Variants in TAF3 observed in about 807,000 individuals in gnomAD.
The protein encoded by TAF3 is TATA-box binding protein associated factor 3, also known as transcription initiation factor TFIID subunit 3.
TAF3 carries 7 observed loss-of-function variants against 80.6 expected under a neutral mutation model. The observed-to-expected ratio is 0.09, with a 90% CI of 0.05 to 0.16. The LOEUF is 0.16. TAF3 is among the 10% of genes least tolerant of loss of function. The pLI is 1.00. For missense variants in TAF3, 921 were observed against 1,140.2 expected (o/e 0.81, Z 2.77); for synonymous variants, 444 against 446.1 (o/e 1.00, Z 0.06).
At chr10:7,890,175 A>C (rs1837445221) in intron 2 of TAF3, among the ~76,000 whole-genome samples, 2 of 152,298 alleles carry the variant, frequency 1.3e-5, no homozygotes, top group East Asian at 3.9e-4. Flanking sequence ...AGCCAGCTGA[A>C]ATTCACCATG....
intron 2 of TAF3, among the ~76,000 whole-genome samples, chr10:7,875,065 G>T (rs2131149193): frequency 6.6e-6 from 1 of 152,150 alleles, no homozygotes; most frequent in South Asian, 2.1e-4. Context: ...TTTAAGTGAA[G>T]CTTTCTTATC....
At chr10:7,883,382 G>A (rs376814273) in intron 2 of TAF3, among the ~76,000 whole-genome samples, 8 of 152,168 alleles carry the variant, frequency 5.3e-5, no homozygotes, top group Admixed American at 3.3e-4. Flanking sequence ...TACCGTAGAC[G>A]GTGGTGTGTT....
At chr10:7,962,996 C>T (rs1480802093) in intron 2 of TAF3, among the ~76,000 whole-genome samples, 2 of 152,152 alleles carry the variant, frequency 1.3e-5, no homozygotes, top group Non-Finnish European at 2.9e-5. Context: ...GATTAGGAAA[C>T]AGGCTCAGAG....
At chr10:7,828,979 G>A (rs935820770) in intron 2 of TAF3, among the ~76,000 whole-genome samples, 5 of 131,744 alleles carry the variant, frequency 3.8e-5, no homozygotes, top group African/African-American at 8.6e-5. Flanking sequence ...GCAGTCAGCC[G>A]AGATCGTGCC....
At chr10:7,868,752 A>G (rs1006093198) in intron 2 of TAF3, among the ~76,000 whole-genome samples, 4 of 152,242 alleles carry the variant, frequency 2.6e-5, no homozygotes, top group African/African-American at 9.6e-5. Context: ...TTTGGCACCT[A>G]GAAAGTACCA....
rs1564350796 is a variant in TAF3 at position 7,863,629 on chromosome 10, ATAT to A, written c.409+39070_409+39072del. Among the ~76,000 whole-genome samples, 13 of 90,906 alleles carry A rather than the reference ATAT, an allele frequency of 1.4e-4. 3 individuals carry two copies. The highest frequency in any genetic ancestry group is 3.4e-4 in the Admixed American group (3 of 8,866). 59.6% of individuals were successfully genotyped at this position (90,906 alleles called of 152,430 possible). Reference sequence around the variant, plus strand: ...TGTCTAAAAAAAAAAAAAAAAAAATATATATATATATATATATACACACACACA... The same window carrying A: ...TGTCTAAAAAAAAAAAAAAAAAAATAATATATATATATATACACACACACA... On this transcript the variant is annotated intron_variant, in intron 2 of 6. Coordinates refer to ENST00000344293, the MANE Select transcript of TAF3 (RefSeq NM_031923.4).
intron 2 of TAF3, among the ~76,000 whole-genome samples, chr10:7,920,306 G>C (rs966716741): frequency 5.9e-5 from 5 of 84,886 alleles, no homozygotes; most frequent in Non-Finnish European, 1.4e-4. Flanking sequence ...ATACGTGTGT[G>C]TGTGTGTGTG....
At chr10:7,957,790 G>GTGCTCTCT (rs1838150104) in intron 2 of TAF3, among the ~76,000 whole-genome samples, 1 of 111,324 alleles carries the variant, frequency 9.0e-6, no homozygotes, top group African/African-American at 3.6e-5. Context: ...GCTCTCTCTA[G>GTGCTCTCT]CGCGCTCTCT....
At chr10:7,940,122 T>C (rs1837963544) in intron 2 of TAF3, among the ~76,000 whole-genome samples, 1 of 152,130 alleles carries the variant, frequency 6.6e-6, no homozygotes, top group Non-Finnish European at 1.5e-5. Context: ...GAAGGAGCAG[T>C]GGTGTGAAGG....
At position 7,818,608 on chromosome 10, in the gene TAF3, G is replaced by T. The variant is rs566619643; in HGVS notation, c.-102G>T. 4.3e-4 allele frequency: 579 copies of T among 1,336,958 alleles called. No individual in the cohort carries two copies. The highest frequency in any genetic ancestry group is 1.1e-3 in the South Asian group (73 of 64,912). 82.8% of individuals were successfully genotyped at this position (1,336,958 alleles called of 1,614,324 possible). A position where few individuals can be genotyped will look rare whatever the true frequency, so the allele number is the denominator to read the frequency against. On this transcript the variant is annotated 5_prime_UTR_variant, in exon 1 of 7. Coordinates refer to ENST00000344293, the MANE Select transcript of TAF3 (RefSeq NM_031923.4). ...CGGGGGTCCGGGGGACCCTTTCCCC[G>T]CCGCGGAAGCCCTAGAGGATGAATC...
intron 2 of TAF3, among the ~76,000 whole-genome samples, chr10:7,881,232 C>G (rs953536056): frequency 9.3e-5 from 14 of 150,240 alleles, no homozygotes; most frequent in Admixed American, 2.6e-4. Context: ...AGAATGAGAC[C>G]CTGTCTCAAA....
chr10:7,983,737 G>A (rs1831749960), intron 4 of TAF3, among the ~76,000 whole-genome samples: 1 of 152,088 alleles, frequency 6.6e-6, no homozygotes, highest in Non-Finnish European at 1.5e-5. Flanking sequence ...TACTTGGGAG[G>A]CTGAGGCAAG....
At chr10:7,984,712 C>T (rs1831760257) in intron 4 of TAF3, among the ~76,000 whole-genome samples, 1 of 152,158 alleles carries the variant, frequency 6.6e-6, no homozygotes, top group African/African-American at 2.4e-5. Flanking sequence ...TCCACGATCA[C>T]TAATTGAGTG....
chr10:7,858,964 T>G (rs1016955844), intron 2 of TAF3, among the ~76,000 whole-genome samples: 1 of 152,188 alleles, frequency 6.6e-6, no homozygotes, highest in African/African-American at 2.4e-5. Context: ...TGTCGAGGCC[T>G]TTCTAGAACA....
At chr10:7,973,202 T>G (rs1831637564) in intron 3 of TAF3, among the ~76,000 whole-genome samples, 2 of 152,250 alleles carry the variant, frequency 1.3e-5, no homozygotes, top group South Asian at 4.2e-4. Context: ...GCTATACAAG[T>G]GTAAGTTATC....
intron 2 of TAF3, among the ~76,000 whole-genome samples, chr10:7,853,950 A>G (rs1056204663): frequency 4.6e-5 from 7 of 152,242 alleles, no homozygotes; most frequent in African/African-American, 1.7e-4. Flanking sequence ...GCTGCATGGA[A>G]TTTATAATAA....
intron 2 of TAF3, among the ~76,000 whole-genome samples, chr10:7,850,275 G>A (rs1837014370): frequency 6.6e-6 from 1 of 152,184 alleles, no homozygotes; most frequent in Admixed American, 6.5e-5. Flanking sequence ...AGAAAATGCT[G>A]CATTCATTTT....
At chr10:7,821,199 A>G (rs752123777) in intron 1 of TAF3, among the ~76,000 whole-genome samples, 13 of 135,684 alleles carry the variant, frequency 9.6e-5, no homozygotes, top group Non-Finnish European at 1.9e-4. Flanking sequence ...TGTCAGGTTC[A>G]TTATTCCCAC....
At chr10:7,896,867 C>T (rs10905242) in intron 2 of TAF3, among the ~76,000 whole-genome samples, 88,916 of 151,994 alleles carry the variant, frequency 0.58, 27,132 homozygotes, top group Admixed American at 0.72. Flanking sequence ...TCAGCCCAGT[C>T]GAGCCCAGAT....
Sources: gnomAD v4.1 joint callset for allele counts (sites outside exome capture counted in the v4.1 genomes callset) on GRCh38, gnomAD v4.1.1 for gene constraint, MANE v1.5 for transcripts, NCBI Gene and HGNC (gene_info 2026-07-23, HGNC 2026-07-21) for gene names.